CLINT1: variants seen among roughly 807,000 people sequenced by gnomAD.
CLINT1 encodes clathrin interacting protein localized in the trans-Golgi region.
A neutral mutation model predicts 70.4 loss-of-function variants in CLINT1; 15 were observed. The observed-to-expected ratio is 0.21, with a 90% CI of 0.14 to 0.33. CLINT1 has a LOEUF of 0.33. Ranked by LOEUF, CLINT1 falls within the 10% of genes least tolerant of loss-of-function variation. CLINT1 has a pLI of 1.00. For missense variants in CLINT1, 615 were observed against 778.1 expected, an observed-to-expected ratio of 0.79 and a Z score of 2.49; for synonymous variants, 227 against 254.7, an observed-to-expected ratio of 0.89 and a Z score of 1.04.
chr5:157,801,100 C>A (rs1388314481), intron 8 of CLINT1, among the ~76,000 whole-genome samples: 4 of 152,182 alleles, frequency 2.6e-5, no homozygotes, highest in African/African-American at 7.2e-5. Context: ...AATTGTTACA[C>A]AACTAATGTA....
intron 8 of CLINT1, among the ~76,000 whole-genome samples, chr5:157,798,683 T>C (rs970096140): frequency 3.3e-5 from 5 of 152,078 alleles, no homozygotes; most frequent in Non-Finnish European, 7.4e-5. Flanking sequence ...CATGAATAGA[T>C]AGTAACAACT....
intron 10 of CLINT1, chr5:157,790,060 C>G (rs1053188820): frequency 2.4e-5 from 4 of 165,670 alleles, no homozygotes; most frequent in African/African-American, 9.6e-5. Context: ...ATCAGCCAGG[C>G]ATGGTGGCAC....
rs752708518 is a variant in CLINT1, at chr5:157,787,783, T to C, written c.1741A>G (p.Met581Val). 2.4e-5 allele frequency: 38 copies of C among 1,613,908 alleles called. No individual in the cohort carries two copies. In the Admixed American group the frequency reaches 5.7e-4, roughly 24 times the overall value. Reference protein sequence around the residue: ...MMNQSMMGMNMNIGMSAAGMG... With the variant: ...MMNQSMMGMNVNIGMSAAGMG... ...CCAGCAGCGGACATCCCTATGTTCA[T>C]GTTCATGCCCATCATGCTCTGGTTC... The change falls in exon 12 of 12, where the codon ATG (methionine) becomes GTG (valine). Residue 581 changes from methionine (M) to valine (V), a missense_variant. Around this residue, in one of 2 missense-constraint regions of CLINT1, gnomAD observed 374 missense variants for 409.6 expected, o/e 0.91. Transcript: ENST00000411809.
At chr5:157,850,027 G>A (rs1753517329) in intron 1 of CLINT1, among the ~76,000 whole-genome samples, 1 of 152,158 alleles carries the variant, frequency 6.6e-6, no homozygotes, top group Non-Finnish European at 1.5e-5. Context: ...GAGTGTGAGT[G>A]CATACTATGT....
At chr5:157,853,052 A>G (rs1753626973) in intron 1 of CLINT1, among the ~76,000 whole-genome samples, 1 of 152,252 alleles carries the variant, frequency 6.6e-6, no homozygotes. Context: ...GGAAAATAAT[A>G]TAAGCATACA....
chr5:157,795,164 C>T (rs774612122), intron 8 of CLINT1, 192 bp from the exon 9 acceptor site: 31 of 589,142 alleles, frequency 5.3e-5, no homozygotes, highest in Non-Finnish European at 7.6e-5. Context: ...GACTCTTTTC[C>T]CTTCCTCAGT....
chr5:157,809,258 A>C, intron 6 of CLINT1: 1 of 167,048 alleles, frequency 6.0e-6, no homozygotes, highest in Non-Finnish European at 1.3e-5. Flanking sequence ...AGTAATGAGG[A>C]ATATTATGCA....
At chr5:157,844,769 A>T (rs1401915195) in intron 1 of CLINT1, among the ~76,000 whole-genome samples, 1 of 152,258 alleles carries the variant, frequency 6.6e-6, no homozygotes. Context: ...ACAGGATTAT[A>T]GAACTTTTAA....
intron 1 of CLINT1, among the ~76,000 whole-genome samples, chr5:157,827,899 G>A (rs1043615891): frequency 4.6e-5 from 7 of 152,172 alleles, no homozygotes; most frequent in African/African-American, 1.7e-4. Flanking sequence ...CAAATGCAAA[G>A]TAATATTGTA....
chr5:157,798,927 A>G (rs920547245), intron 8 of CLINT1, among the ~76,000 whole-genome samples: 2 of 152,116 alleles, frequency 1.3e-5, no homozygotes, highest in South Asian at 4.1e-4. Context: ...AATACCAACT[A>G]TCATAAGAAA....
chr5:157,853,084 A>T (rs1007485431), intron 1 of CLINT1, among the ~76,000 whole-genome samples: 1 of 152,260 alleles, frequency 6.6e-6, no homozygotes, highest in African/African-American at 2.4e-5. Context: ...GCAATGGCTC[A>T]TGCCTGTAAT....
intron 1 of CLINT1, among the ~76,000 whole-genome samples, chr5:157,831,901 G>A (rs183934280): frequency 5.6e-4 from 85 of 151,514 alleles, no homozygotes; most frequent in African/African-American, 1.9e-3. Context: ...CACGTTGGCC[G>A]GGATGGTCTT....
intron 8 of CLINT1, among the ~76,000 whole-genome samples, chr5:157,796,789 C>A (rs1442515746): frequency 6.6e-6 from 1 of 152,074 alleles, no homozygotes; most frequent in Non-Finnish European, 1.5e-5. Context: ...TATGTGTGTA[C>A]TTGGTATTTC....
intron 1 of CLINT1, among the ~76,000 whole-genome samples, chr5:157,830,709 C>G (rs1351971538): frequency 6.7e-6 from 1 of 149,376 alleles, no homozygotes; most frequent in African/African-American, 2.5e-5. Context: ...GACCTTGTCT[C>G]TACACACACA....
intron 1 of CLINT1, among the ~76,000 whole-genome samples, chr5:157,857,186 G>A (rs948530621): frequency 3.4e-5 from 5 of 147,828 alleles, no homozygotes; most frequent in African/African-American, 1.3e-4. Context: ...GTTGGAGGGT[G>A]CAGTGAGTTA....
intron 1 of CLINT1, among the ~76,000 whole-genome samples, chr5:157,837,417 C>A (rs168838): frequency 0.52 from 78,608 of 149,940 alleles, 20,587 homozygotes; most frequent in East Asian, 0.75. Context: ...TAAATACACA[C>A]ACACACACAC....
chr5:157,801,118 G>A (rs1762202896), intron 8 of CLINT1, among the ~76,000 whole-genome samples: 1 of 152,198 alleles, frequency 6.6e-6, no homozygotes, highest in Non-Finnish European at 1.5e-5. Flanking sequence ...GTAGCTGTCC[G>A]TAACCTTGGG....
At chr5:157,788,921 T>C (rs1306915418) in intron 11 of CLINT1, among the ~76,000 whole-genome samples, 1 of 146,720 alleles carries the variant, frequency 6.8e-6, no homozygotes, top group African/African-American at 2.5e-5. Context: ...GAGCTGAGAT[T>C]GCACCACTGC....
chr5:157,790,472 G>T lies in CLINT1; in HGVS notation c.1381-959C>A, dbSNP rs777454302. 1.3e-4 allele frequency: 44 copies of T among 326,182 alleles called. 1 individual carries two copies. Among genetic ancestry groups the T allele is most frequent in the African/African-American group, 9.6e-4 (44 of 45,650 alleles). 20.2% of individuals were successfully genotyped at this position (326,182 alleles called of 1,614,324 possible). A position where few individuals can be genotyped will look rare whatever the true frequency, so the allele number is the denominator to read the frequency against. On this transcript the variant is annotated intron_variant, in intron 10 of 11. Coordinates refer to ENST00000411809, the MANE Select transcript of CLINT1 (RefSeq NM_014666.4). ...AGGACAGAAAAAAGGAACAGGAAGA[G>T]GAAGAATAATTAAAAATGTACCAAT...
Sources: gnomAD v4.1 joint callset for allele counts (sites outside exome capture counted in the v4.1 genomes callset) on GRCh38, gnomAD v4.1.1 for gene constraint, gnomAD v4.1.1 regional missense constraint, MANE v1.5 for transcripts, NCBI Gene and HGNC (gene_info 2026-07-23, HGNC 2026-07-21) for gene names.